Variants in MACROD2 observed in about 807,000 individuals in gnomAD.
The protein encoded by MACROD2 is mono-ADP ribosylhydrolase 2, also known as ADP-ribose glycohydrolase MACROD2.
A neutral mutation model predicts 70.4 loss-of-function variants in MACROD2; 36 were observed. The observed-to-expected ratio is 0.51, with a 90% CI of 0.39 to 0.68. MACROD2 has a LOEUF of 0.68. Ranked by LOEUF, MACROD2 falls within the 30% of genes least tolerant of loss-of-function variation. MACROD2 has a pLI of 0.00. For missense variants in MACROD2, 496 were observed against 538.4 expected (o/e 0.92, Z 0.78); for synonymous variants, 172 against 178.8 (o/e 0.96, Z 0.30).
intron 5 of MACROD2, among the ~76,000 whole-genome samples, chr20:15,134,516 C>G (rs575133664): frequency 2.6e-5 from 4 of 151,924 alleles, no homozygotes; most frequent in Non-Finnish European, 4.4e-5. Context: ...TCTTTGAAAC[C>G]AATGAGAACA....
chr20:15,032,304 G>T (rs2075281659), intron 5 of MACROD2, among the ~76,000 whole-genome samples: 1 of 152,234 alleles, frequency 6.6e-6, no homozygotes, highest in African/African-American at 2.4e-5. Flanking sequence ...GGTAGGGAGT[G>T]GGCCTCTGGC....
chr20:14,614,040 A>G (rs1375377137), intron 4 of MACROD2, among the ~76,000 whole-genome samples: 2 of 152,074 alleles, frequency 1.3e-5, no homozygotes, highest in East Asian at 3.9e-4. Context: ...ATATTTTTAT[A>G]AATTTTACTC....
intron 5 of MACROD2, among the ~76,000 whole-genome samples, chr20:15,221,041 C>A (rs1317153247): frequency 6.6e-6 from 1 of 152,196 alleles, no homozygotes; most frequent in Non-Finnish European, 1.5e-5. Context: ...GACATTGACC[C>A]ATCTGCACAT....
chr20:14,366,592 C>G (rs1298695465), intron 3 of MACROD2, among the ~76,000 whole-genome samples: 1 of 151,516 alleles, frequency 6.6e-6, no homozygotes, highest in Non-Finnish European at 1.5e-5. Context: ...GTTTCAATCT[C>G]CTGACATCAT....
chr20:15,962,964 G>T (rs1211413129), intron 12 of MACROD2, among the ~76,000 whole-genome samples: 1 of 152,172 alleles, frequency 6.6e-6, no homozygotes, highest in Non-Finnish European at 1.5e-5. Flanking sequence ...CTATATAAAA[G>T]AGTAGCCGCT....
At chr20:14,466,204 C>G (rs776314080) in intron 3 of MACROD2, among the ~76,000 whole-genome samples, 6 of 152,032 alleles carry the variant, frequency 3.9e-5, no homozygotes, top group Admixed American at 1.3e-4. Context: ...TTCACATAGT[C>G]CCATATTCCT....
intron 8 of MACROD2, among the ~76,000 whole-genome samples, chr20:15,736,976 G>T (rs1022219781): frequency 4.6e-5 from 7 of 152,186 alleles, no homozygotes; most frequent in Non-Finnish European, 8.8e-5. Flanking sequence ...AATAAAAAAA[G>T]TAAATAACCA....
intron 8 of MACROD2, among the ~76,000 whole-genome samples, chr20:15,852,157 A>G (rs1256686995): frequency 6.6e-6 from 1 of 152,204 alleles, no homozygotes; most frequent in Non-Finnish European, 1.5e-5. Context: ...CGTTTGTGAA[A>G]TTTTGATCAA....
intron 2 of MACROD2, among the ~76,000 whole-genome samples, chr20:14,074,261 A>G (rs1014744807): frequency 1.2e-4 from 19 of 152,136 alleles, no homozygotes; most frequent in African/African-American, 3.6e-4. Context: ...GTCCCTGAAT[A>G]ATGTTTTTAC....
intron 5 of MACROD2, among the ~76,000 whole-genome samples, chr20:15,106,694 T>A (rs1357625018): frequency 1.3e-5 from 2 of 152,172 alleles, no homozygotes; most frequent in East Asian, 3.9e-4. Context: ...ATTGTTGATA[T>A]GTCTTCTGGA....
intron 3 of MACROD2, among the ~76,000 whole-genome samples, chr20:14,464,648 T>A (rs2084417906): frequency 6.6e-6 from 1 of 152,128 alleles, no homozygotes; most frequent in Non-Finnish European, 1.5e-5. Flanking sequence ...TTTAGATCTT[T>A]CCTGCTTTCT....
At chr20:14,938,939 G>GTTTTTTTTT (rs1328390610) in intron 5 of MACROD2, among the ~76,000 whole-genome samples, 1 of 96,056 alleles carries the variant, frequency 1.0e-5, no homozygotes, top group Non-Finnish European at 2.4e-5. Flanking sequence ...TGTTAAATCA[G>GTTTTTTTTT]ATTTTTTTTT....
intron 3 of MACROD2, among the ~76,000 whole-genome samples, chr20:14,484,273 T>G (rs939340830): frequency 1.3e-5 from 2 of 152,146 alleles, no homozygotes; most frequent in African/African-American, 4.8e-5. Flanking sequence ...CATAATACTT[T>G]GGAGAATTTT....
At chr20:14,325,976 T>C (rs113914590) in intron 3 of MACROD2, 1 of 1,613,860 alleles carries the variant, frequency 6.2e-7, no homozygotes, top group Non-Finnish European at 8.5e-7. Flanking sequence ...TTGAGGGTGG[T>C]TGTAGGGTTG....
At chr20:15,652,531 T>C (rs1600715624) in intron 8 of MACROD2, among the ~76,000 whole-genome samples, 1 of 152,300 alleles carries the variant, frequency 6.6e-6, no homozygotes, top group East Asian at 1.9e-4. Context: ...GATGACTAGG[T>C]TCACTAACTA....
At chr20:14,714,665 T>C (rs2071377271) in intron 5 of MACROD2, among the ~76,000 whole-genome samples, 1 of 152,144 alleles carries the variant, frequency 6.6e-6, no homozygotes. Context: ...ATAGGGACTT[T>C]GCTGTTTCCT....
chr20:15,702,510 T>TTTG (rs974250861), intron 8 of MACROD2, among the ~76,000 whole-genome samples: 4 of 152,112 alleles, frequency 2.6e-5, no homozygotes, highest in African/African-American at 9.7e-5. Context: ...TTTTAAGGGA[T>TTTG]TTGTTGTTGT....
rs2065861083 is a variant in MACROD2, at chr20:15,948,532, C to T, written c.907+10988C>T. 2.0e-5 allele frequency among the ~76,000 whole-genome samples: 3 copies of T among 150,464 alleles called. No homozygotes were observed. In the East Asian group the frequency reaches 5.8e-4, roughly 29 times the overall value. ...AAAAGAAATTCCCTTTCAGAATTCT[C>T]TTGTTTCAGAAGTAAATTTTCCCAA... On this transcript the variant is annotated intron_variant, in intron 12 of 17. Coordinates refer to ENST00000684519, the MANE Select transcript of MACROD2 (RefSeq NM_001351661.2).
chr20:15,882,620 G>A (rs1016599265), intron 9 of MACROD2, among the ~76,000 whole-genome samples: 3 of 152,002 alleles, frequency 2.0e-5, no homozygotes, highest in Non-Finnish European at 4.4e-5. Context: ...ACGGTAGTGA[G>A]GGGAAGGTCC....
Sources: allele counts gnomAD v4.1 joint callset (sites outside exome capture counted in the v4.1 genomes callset), GRCh38; gene constraint gnomAD v4.1.1; transcripts MANE v1.5; gene names NCBI Gene and HGNC (gene_info 2026-07-23, HGNC 2026-07-21).